SETD1A: variants seen among roughly 807,000 people sequenced by gnomAD.
SETD1A encodes the protein SET domain containing 1A, histone lysine methyltransferase.
A neutral mutation model predicts 149.9 loss-of-function variants in SETD1A; 29 were observed. That is an observed-to-expected ratio of 0.19 (90% CI 0.14 to 0.26). The LOEUF (loss-of-function observed/expected upper bound fraction) is 0.26, where lower values mean the gene tolerates loss of function less well. Among genes scored for constraint, SETD1A ranks in the 10% least tolerant of loss-of-function variants. The probability of loss-of-function intolerance (pLI) is 1.00; values close to 1 mark genes in which losing one functional copy is unlikely to be tolerated. For missense variants in SETD1A, 2,109 were observed against 2,353.1 expected, an observed-to-expected ratio of 0.90 and a Z score of 2.15; for synonymous variants, 1,141 against 968.5, an observed-to-expected ratio of 1.18 and a Z score of -3.31.
Position 30,969,240 on chromosome 16 carries a change from C to G in SETD1A, c.2771-65C>G, listed in dbSNP as rs575249561. The G allele has an allele frequency of 7.7e-5, 118 of 1,523,010 alleles. No individual in the cohort carries two copies. The Middle Eastern group carries it at 8.9e-4, about 11-fold the overall frequency. 94.3% of individuals were successfully genotyped at this position (1,523,010 alleles called of 1,614,324 possible). A position where few individuals can be genotyped will look rare whatever the true frequency, so the allele number is the denominator to read the frequency against. On this transcript the variant is annotated intron_variant, in intron 10 of 18. Transcript: ENST00000262519. ...ATTGGTAATAGTATATGTAAAGCCCCTTGCACAGGGCAAGTATCTTGTGGT... is the reference window on the plus strand; with the variant it reads ...ATTGGTAATAGTATATGTAAAGCCCGTTGCACAGGGCAAGTATCTTGTGGT...
chr16:30,964,685 T>G lies in SETD1A; in HGVS notation c.943T>G (p.Ser315Ala). Residue 315 changes from serine (S) to alanine (A), a missense_variant, in exon 7 of 19, where the codon TCT becomes GCT. Around this residue, in one of 8 missense-constraint regions of SETD1A, gnomAD observed 410 missense variants for 394.8 expected, o/e 1.04. Coordinates refer to ENST00000262519, the MANE Select transcript of SETD1A (RefSeq NM_014712.3). Reference protein sequence around the residue: ...YQDAFSRRHFSASSASTTAST... With the variant: ...YQDAFSRRHFAASSASTTAST... Reference sequence around the variant, plus strand: ...AGATGCCTTTTCCCGCCGCCACTTCTCTGCATCTTCAGCCTCCACAACCGC... The same window carrying G: ...AGATGCCTTTTCCCGCCGCCACTTCGCTGCATCTTCAGCCTCCACAACCGC... The G allele has an allele frequency of 3.7e-6, 6 of 1,614,078 alleles. No individual in the cohort carries two copies. Among genetic ancestry groups the G allele is most frequent in the Non-Finnish European group, 5.1e-6 (6 of 1,180,028 alleles).
At chr16:30,967,167 T>G in intron 9 of SETD1A, 107 bp downstream of exon 9, 1 of 855,322 alleles carries the variant, frequency 1.2e-6, no homozygotes, top group Non-Finnish European at 1.8e-6. Context: ...TTTTTTCTTT[T>G]TTTTGAGATG....
Position 30,966,075 on chromosome 16 carries a change from C to A in SETD1A, c.2194C>A (p.Leu732Ile). 6.3e-7 allele frequency: 1 copy of A among 1,587,628 alleles called. No individual in the cohort carries two copies. Among genetic ancestry groups the A allele is most frequent in the African/African-American group, 1.3e-5 (1 of 74,534 alleles). Residue 732 changes from leucine (L) to isoleucine (I), a missense_variant, in exon 8 of 19, where the codon CTA (leucine) becomes ATA (isoleucine). Physicochemically the swap from Leu to Ile is conservative, Grantham distance 5. Coordinates refer to ENST00000262519, the MANE Select transcript of SETD1A (RefSeq NM_014712.3). ...QEAAYGLPYA[L>I]YAQGQEGRGA... Reference sequence around the variant, plus strand: ...GGCAGCCTACGGCTTGCCGTATGCTCTATATGCACAGGGGCAGGAGGGCAG... The same window carrying A: ...GGCAGCCTACGGCTTGCCGTATGCTATATATGCACAGGGGCAGGAGGGCAG...
rs117369393 is a variant in SETD1A at position 30,980,323 on chromosome 16, C to T, written c.4408+129C>T. ...GCCATCTTTTCTCTCCTCCTGGTGC[C>T]TCTTTTCTGCCTTCCAAAGCATTTC... On this transcript the variant is annotated intron_variant, in intron 14 of 18. Coordinates refer to ENST00000262519, the MANE Select transcript of SETD1A (RefSeq NM_014712.3). This position sits in a 1 kb window ranked among gnomAD's most constrained non-coding sequence, Gnocchi z 7.7. 16,875 of 1,434,242 alleles carry T rather than the reference C, an allele frequency of 0.012. 132 individuals carry two copies. Among genetic ancestry groups the T allele is most frequent in the Middle Eastern group, 0.021 (92 of 4,340 alleles). The allele number at this position is 1,434,242 out of a possible 1,614,324, so 88.8% of individuals were successfully genotyped here.
chr16:30,963,991 CA>C (rs370118124), intron 5 of SETD1A, 102 bp from the exon 6 acceptor site: 75,406 of 701,174 alleles, frequency 0.11, 4 homozygotes, highest in South Asian at 0.14. Context: ...GACTCCGTCT[CA>C]AAAAAAAAAA....
chr16:30,964,267 C>A lies in SETD1A; in HGVS notation c.813C>A (p.Thr271=). Residue 271 remains threonine, a synonymous_variant, in exon 6 of 19, where the codon ACC becomes ACA. Coordinates refer to ENST00000262519, the MANE Select transcript of SETD1A (RefSeq NM_014712.3). ...TCACACCTCAGTCCTCCCAAGGAAC[C>A]CCCTACACGTCTCGGGGCAGCACCC... ...GQFTPQSSQG[T]PYTSRGSTPY... The A allele has an allele frequency of 6.2e-7, 1 of 1,614,032 alleles. No individual in the cohort carries two copies. Among genetic ancestry groups the A allele is most frequent in the Non-Finnish European group, 8.5e-7 (1 of 1,179,966 alleles).
In SETD1A at chr16:30,979,223, G is replaced by A. The variant is rs778135870; in HGVS notation, c.3437G>A (p.Arg1146His). The change falls in exon 14 of 19, where the codon CGC (arginine) becomes CAC (histidine). Residue 1146 changes from arginine to histidine, a missense_variant. Physicochemically the swap from Arg to His is conservative, Grantham distance 29. This residue lies in a region of SETD1A where 832 missense variants were observed against 815.6 expected (regional missense o/e 1.02). Coordinates refer to ENST00000262519, the MANE Select transcript of SETD1A (RefSeq NM_014712.3). ...PPAGPPAPAP[R>H]PDERPSSPIP... ...GCTGGGCCCCCGGCCCCTGCCCCAC[G>A]CCCCGATGAGCGTCCCTCTTCTCCC... 1.6e-5 allele frequency: 17 copies of A among 1,045,192 alleles called. No homozygotes were observed. Among genetic ancestry groups the A allele is most frequent in the South Asian group, 1.9e-5 (1 of 52,290 alleles). 64.7% of individuals were successfully genotyped at this position (1,045,192 alleles called of 1,614,324 possible).
At chr16:30,976,153 T>C (rs1310803694) in intron 13 of SETD1A, among the ~76,000 whole-genome samples, 8 of 151,974 alleles carry the variant, frequency 5.3e-5, no homozygotes, top group African/African-American at 1.9e-4. Flanking sequence ...ACACATGTAA[T>C]CCCAGCACTT....
Position 30,965,595 on chromosome 16 carries a change from C to A in SETD1A, c.1720-6C>A, listed in dbSNP as rs771075721. The A allele has an allele frequency of 6.2e-7, 1 of 1,612,356 alleles. No individual in the cohort carries two copies. Among genetic ancestry groups the A allele is most frequent in the Admixed American group, 1.7e-5 (1 of 59,778 alleles). On this transcript the variant is annotated splice_region_variant and splice_polypyrimidine_tract_variant and intron_variant, in intron 7 of 18. Coordinates refer to ENST00000262519, the MANE Select transcript of SETD1A (RefSeq NM_014712.3). ...AGCCTTCTGTGACCCTCTTCTGCCC[C>A]CGCAGGCTTCTCCATGCTCTTCTGG...
intron 1 of SETD1A, 75 bp from the exon 2 acceptor site, chr16:30,958,642 C>T (rs1201259561): frequency 2.1e-5 from 28 of 1,312,538 alleles, no homozygotes; most frequent in Non-Finnish European, 2.9e-5. Context: ...GGAATCGGGG[C>T]TAGCCAATGA....
intron 6 of SETD1A, 115 bp from the exon 7 acceptor site, chr16:30,964,497 C>A: frequency 6.6e-7 from 1 of 1,509,564 alleles, no homozygotes; most frequent in Non-Finnish European, 8.9e-7. Flanking sequence ...AGGAACCCAA[C>A]ATATAGCTCT....
At position 30,979,721 on chromosome 16, in the gene SETD1A, C is replaced by T. The variant is rs369833833; in HGVS notation, c.3935C>T (p.Ala1312Val). 6.8e-5 allele frequency: 109 copies of T among 1,600,750 alleles called. No individual in the cohort carries two copies. Among genetic ancestry groups the T allele is most frequent in the African/African-American group, 4.9e-4 (37 of 74,938 alleles). Residue 1312 changes from alanine (A) to valine (V), a missense_variant, in exon 14 of 19, where the codon GCG (alanine) becomes GTG (valine). Physicochemically the swap from Ala to Val is moderately conservative, Grantham distance 64. Transcript: ENST00000262519. ...CTGGCCGTCAAGCCCACGCCCCCTG[C>T]GCCAGCCCTGCGGCCCCCGGAGCCA... ...YALAVKPTPPAPALRPPEPVP... is the reference protein window; with the variant it reads ...YALAVKPTPPVPALRPPEPVP...
chr16:30,982,637 G>A (rs1376350008), intron 17 of SETD1A, among the ~76,000 whole-genome samples: 5 of 152,116 alleles, frequency 3.3e-5, no homozygotes, highest in Non-Finnish European at 5.9e-5. Context: ...GGAAAGTCCC[G>A]GAGCTTTCTT....
At chr16:30,981,281 C>T (rs1172821840) in intron 17 of SETD1A, 101 bp downstream of exon 17, 3 of 1,478,316 alleles carry the variant, frequency 2.0e-6, no homozygotes, top group Admixed American at 3.6e-5. Context: ...TGCACACTCC[C>T]TAACCCCGGT....
chr16:30,958,721 A>G lies in SETD1A; in HGVS notation c.-11A>G. 9.3e-6 allele frequency: 15 copies of G among 1,613,994 alleles called. No homozygotes were observed. Among genetic ancestry groups the G allele is most frequent in the Non-Finnish European group, 1.3e-5 (15 of 1,179,916 alleles). ...GTGTCCCTCTTCCCCTAACAGTGTA[A>G]ATGAGCAAAGATGGATCAGGAAGGT... On this transcript the variant is annotated 5_prime_UTR_variant, in exon 2 of 19. It removes the in-frame stop codon of an upstream open reading frame in the 5' UTR. Coordinates refer to ENST00000262519, the MANE Select transcript of SETD1A (RefSeq NM_014712.3).
intron 17 of SETD1A, among the ~76,000 whole-genome samples, chr16:30,982,663 CCG>C (rs2056395766): frequency 1.4e-5 from 1 of 70,752 alleles, no homozygotes; most frequent in Non-Finnish European, 4.1e-5. Context: ...GAGGGTCCTT[CCG>C]CAGGAGAGGG....
intron 2 of SETD1A, 83 bp from the exon 3 acceptor site, chr16:30,959,008 T>C: frequency 3.5e-6 from 5 of 1,430,034 alleles, no homozygotes; most frequent in Admixed American, 1.7e-5. Context: ...CTCTTCTGCA[T>C]GTGTGTGTCC....
chr16:30,979,540 G>T lies in SETD1A; in HGVS notation c.3754G>T (p.Asp1252Tyr), dbSNP rs2056335432. Residue 1252 changes from aspartate (D) to tyrosine (Y), a missense_variant, in exon 14 of 19, where the codon GAC becomes TAC. Around this residue, in one of 8 missense-constraint regions of SETD1A, gnomAD observed 832 missense variants for 815.6 expected, o/e 1.02. Coordinates refer to ENST00000262519, the MANE Select transcript of SETD1A (RefSeq NM_014712.3). ...GGAGGCTGAGCCAGGGACAGAGGTGGACCTGGCGGTCCTGGCCGACCTGGC... is the reference window on the plus strand; with the variant it reads ...GGAGGCTGAGCCAGGGACAGAGGTGTACCTGGCGGTCCTGGCCGACCTGGC... The part of the protein sequence containing the change: ...EEEAEPGTEV[D>Y]LAVLADLALT... 1.9e-6 allele frequency: 3 copies of T among 1,608,444 alleles called. No individual in the cohort carries two copies. The highest frequency in any genetic ancestry group is 2.5e-6 in the Non-Finnish European group (3 of 1,178,632).
intron 9 of SETD1A, 88 bp from the exon 10 acceptor site, chr16:30,967,413 C>T: frequency 2.4e-6 from 3 of 1,251,880 alleles, no homozygotes; most frequent in Non-Finnish European, 3.5e-6. Context: ...CTTGGCCTCC[C>T]AAAGTGCTGG....
Sources: allele counts gnomAD v4.1 joint callset (sites outside exome capture counted in the v4.1 genomes callset), GRCh38; gene constraint gnomAD v4.1.1; regional missense constraint gnomAD v4.1.1; non-coding constraint Gnocchi (gnomAD v3.1); transcripts MANE v1.5; gene names NCBI Gene and HGNC (gene_info 2026-07-23, HGNC 2026-07-21).